DNAH10: variants seen among roughly 807,000 people sequenced by gnomAD.
DNAH10 encodes the protein dynein axonemal heavy chain 10, also known as axonemal beta dynein heavy chain 10.
Under a neutral mutation model 506.6 loss-of-function variants are expected in DNAH10, and 348 were observed. That is an observed-to-expected ratio of 0.69 (90% CI 0.63 to 0.75). DNAH10 has a LOEUF of 0.75. Among genes scored for constraint, DNAH10 ranks in the 30% least tolerant of loss-of-function variants. DNAH10 has a pLI of 0.00. For synonymous variants in DNAH10, 2,059 were observed against 2,198.6 expected (o/e 0.94, Z 1.78); for missense variants, 5,179 against 5,787.1 (o/e 0.89, Z 3.41).
At chr12:123,775,039 T>C (rs2135991770) in intron 5 of DNAH10, among the ~76,000 whole-genome samples, 1 of 152,276 alleles carries the variant, frequency 6.6e-6, no homozygotes, top group Non-Finnish European at 1.5e-5. Context: ...GAGACAGAAA[T>C]AGGCATGTGC....
intron 78 of DNAH10, chr12:123,935,095 G>T (rs544060687): frequency 6.7e-6 from 4 of 600,166 alleles, no homozygotes; most frequent in Non-Finnish European, 1.2e-5. Context: ...CCGCTGGTGT[G>T]GACAGCAGAT....
intron 48 of DNAH10, 66 bp from the exon 49 acceptor site, chr12:123,879,198 A>G (rs1952390017): frequency 1.4e-6 from 2 of 1,389,352 alleles, no homozygotes; most frequent in East Asian, 2.5e-5. Flanking sequence ...TCTGAATGTC[A>G]CAGCCGTCAG....
Position 123,838,662 on chromosome 12 carries a change from A to T in DNAH10, c.5109A>T (p.Pro1703=). The T allele has an allele frequency of 6.2e-7, 1 of 1,613,874 alleles. No homozygotes were observed. Among genetic ancestry groups the T allele is most frequent in the Non-Finnish European group, 8.5e-7 (1 of 1,179,882 alleles). Residue 1703 remains proline (P), a synonymous_variant, in exon 29 of 79, where the codon CCA becomes CCT. Coordinates refer to ENST00000673944, the MANE Select transcript of DNAH10 (RefSeq NM_001372106.1). ...TTAGCATTCTGGGGAGCAGCGACCC[A>T]CTCTGCGTCCAGGAGCACATGATCA... ...ELLSILGSSD[P]LCVQEHMIKM... is the part of the protein sequence containing the mutation.
intron 57 of DNAH10, chr12:123,908,174 TCTCTCTGTCTC>T (rs1253883715): frequency 2.5e-4 from 90 of 365,908 alleles, no homozygotes; most frequent in African/African-American, 2.0e-3. Flanking sequence ...CTCCTCCCTG[TCTCTCTGTCTC>T]CTCCCTGTCT....
intron 1 of DNAH10, among the ~76,000 whole-genome samples, chr12:123,766,394 G>A (rs1210087237): frequency 6.6e-6 from 1 of 151,978 alleles, no homozygotes; most frequent in African/African-American, 2.4e-5. Flanking sequence ...TGGATATATA[G>A]AGTTCCTAAA....
Position 123,863,637 on chromosome 12 carries a change from A to C in DNAH10, c.6909-958A>C, listed in dbSNP as rs150436693. 1.9e-4 allele frequency among the ~76,000 whole-genome samples: 29 copies of C among 152,166 alleles called. 1 individual carries two copies. The highest frequency in any genetic ancestry group is 6.7e-4 in the African/African-American group (28 of 41,494). ...CTTGGCCTTCCCCTCTGTGTGTCTTATGTCTCCTCCTGCTTTTCTCTTATA... is the reference window on the plus strand; with the variant it reads ...CTTGGCCTTCCCCTCTGTGTGTCTTCTGTCTCCTCCTGCTTTTCTCTTATA... On this transcript the variant is annotated intron_variant, in intron 39 of 78. Coordinates refer to ENST00000673944, the MANE Select transcript of DNAH10 (RefSeq NM_001372106.1).
Position 123,770,974 on chromosome 12 carries a change from C to CTTTTTTTT in DNAH10, c.299-616_299-609dup, listed in dbSNP as rs33920942. On this transcript the variant is annotated intron_variant, in intron 2 of 78. Coordinates refer to ENST00000673944, the MANE Select transcript of DNAH10 (RefSeq NM_001372106.1). Reference sequence around the variant, plus strand: ...AAATGCTAACATGCTAGCTGTAATTCTTTTTTTTTTTTTTTTTTGAGATGG... The same window carrying CTTTTTTTT: ...AAATGCTAACATGCTAGCTGTAATTCTTTTTTTTTTTTTTTTTTTTTTTTTTGAGATGG... 1.1e-4 allele frequency among the ~76,000 whole-genome samples: 14 copies of CTTTTTTTT among 126,402 alleles called. 1 individual carries two copies. The highest frequency in any genetic ancestry group is 4.2e-4 in the African/African-American group (14 of 33,086). The allele number at this position is 126,402 out of a possible 152,430, so 82.9% of individuals were successfully genotyped here.
Position 123,916,373 on chromosome 12 carries a change from C to A in DNAH10, c.10723-84C>A. On this transcript the variant is annotated intron_variant, in intron 62 of 78. Transcript: ENST00000673944. This position sits in a 1 kb window ranked among gnomAD's most constrained non-coding sequence, Gnocchi z 4.6. ...TCCAAGTTCCTGGCCCATCCACTTC[C>A]CACTTCCAAGCCATTCTCCCCTTAT... The A allele has an allele frequency of 6.6e-7, 1 of 1,523,498 alleles. No homozygotes were observed. Among genetic ancestry groups the A allele is most frequent in the Non-Finnish European group, 8.8e-7 (1 of 1,137,332 alleles). The allele number at this position is 1,523,498 out of a possible 1,614,324, so 94.4% of individuals were successfully genotyped here. A position where few individuals can be genotyped will look rare whatever the true frequency, so the allele number is the denominator to read the frequency against.
intron 26 of DNAH10, among the ~76,000 whole-genome samples, chr12:123,832,124 A>G (rs186385346): frequency 2.6e-5 from 4 of 152,272 alleles, no homozygotes; most frequent in African/African-American, 9.6e-5. Flanking sequence ...CCTAACATAT[A>G]CACATAATGT....
At chr12:123,797,974 C>T (rs538624462) in intron 13 of DNAH10, among the ~76,000 whole-genome samples, 8 of 152,320 alleles carry the variant, frequency 5.3e-5, no homozygotes, top group East Asian at 1.9e-4. Flanking sequence ...CCAGATAATA[C>T]GTTTTGAACA....
chr12:123,910,885 GTT>G (rs1456445830), intron 59 of DNAH10, among the ~76,000 whole-genome samples: 1 of 152,104 alleles, frequency 6.6e-6, no homozygotes, highest in African/African-American at 2.4e-5. Flanking sequence ...GTCTGAAAGA[GTT>G]TCAAACTTCC....
At chr12:123,770,246 CA>C (rs879933772) in intron 2 of DNAH10, among the ~76,000 whole-genome samples, 57 of 151,128 alleles carry the variant, frequency 3.8e-4, no homozygotes, top group East Asian at 1.4e-3. Flanking sequence ...AGATTTGTCT[CA>C]AAAAAAAATT....
chr12:123,858,493 A>T (rs10846563), intron 37 of DNAH10, among the ~76,000 whole-genome samples: 43,376 of 152,088 alleles, frequency 0.29, 6,579 homozygotes, highest in Middle Eastern at 0.39. Context: ...AAGGAATATA[A>T]AATGGTGCAG....
chr12:123,768,164 C>T (rs1028162758), intron 2 of DNAH10, among the ~76,000 whole-genome samples: 5 of 151,810 alleles, frequency 3.3e-5, no homozygotes, highest in Admixed American at 1.3e-4. Context: ...GACAGGGTCT[C>T]GCTCTTGTCA....
rs764707998 is a variant in DNAH10, at chr12:123,870,363, C to T, written c.7520-3C>T. 1.5e-5 allele frequency: 24 copies of T among 1,612,006 alleles called. No individual in the cohort carries two copies. The African/African-American group carries it at 2.0e-4, about 13-fold the overall frequency. On this transcript the variant is annotated splice_polypyrimidine_tract_variant and splice_region_variant and intron_variant, in intron 43 of 78. Coordinates refer to ENST00000673944, the MANE Select transcript of DNAH10 (RefSeq NM_001372106.1). ...AAGTGAAATCAACCATGATTTCCTG[C>T]AGGTCAACTTCCAACCTTGTATGAC... is the stretch of plus-strand genomic sequence containing the variant.
intron 38 of DNAH10, among the ~76,000 whole-genome samples, chr12:123,860,725 T>C (rs1454659772): frequency 6.6e-6 from 1 of 152,218 alleles, no homozygotes; most frequent in Non-Finnish European, 1.5e-5. Context: ...TATGCATAAA[T>C]ATGAAATATA....
chr12:123,840,682 C>A (rs1344140111), intron 29 of DNAH10, among the ~76,000 whole-genome samples: 1 of 152,100 alleles, frequency 6.6e-6, no homozygotes, highest in Non-Finnish European at 1.5e-5. Flanking sequence ...TTCTTTAAAG[C>A]CTGTTTGTTG....
intron 33 of DNAH10, 132 bp downstream of exon 33, chr12:123,848,227 G>A (rs1951032864): frequency 1.5e-6 from 2 of 1,335,844 alleles, no homozygotes; most frequent in Non-Finnish European, 2.0e-6. Context: ...CACCACCACA[G>A]CCCCAGAACC....
chr12:123,921,690 A>ATTTTTTTTTTT (rs1566107321), intron 65 of DNAH10, among the ~76,000 whole-genome samples: 4 of 98,234 alleles, frequency 4.1e-5, no homozygotes, highest in African/African-American at 1.6e-4. Flanking sequence ...TGTAGCTTGC[A>ATTTTTTTTTTT]GTTTTTTTTT....
Sources: allele counts gnomAD v4.1 joint callset (sites outside exome capture counted in the v4.1 genomes callset), GRCh38; gene constraint gnomAD v4.1.1; non-coding constraint Gnocchi (gnomAD v3.1); transcripts MANE v1.5; gene names NCBI Gene and HGNC (gene_info 2026-07-23, HGNC 2026-07-21).